The following SV2C variants were observed in gnomAD, a reference collection of about 807,000 sequenced individuals.
SV2C encodes solute carrier family 22 member B3.
A neutral mutation model predicts 79.7 loss-of-function variants in SV2C; 49 were observed. The ratio of observed to expected loss-of-function variants is 0.61; its 90% CI spans 0.49 to 0.78. The LOEUF is 0.78. Ranked by LOEUF, SV2C falls within the 30% of genes least tolerant of loss-of-function variation. The pLI is 0.00. For missense variants in SV2C, 833 were observed against 912.9 expected (o/e 0.91, Z 1.13); for synonymous variants, 334 against 333.2 (o/e 1.00, Z -0.03).
At chr5:76,071,564 C>A in the SV2C span, among the ~76,000 whole-genome samples, 1 of 152,268 alleles carries the variant, frequency 6.6e-6, no homozygotes. Context: ...ACTATTAATA[C>A]CGAATGTTTC....
At chr5:76,337,542 G>A (rs1174372137), downstream of SV2C, among the ~76,000 whole-genome samples, 3 of 152,172 alleles carry the variant, frequency 2.0e-5, no homozygotes, top group African/African-American at 7.2e-5. Context: ...ACTGTATACT[G>A]TGTATAGAAG....
chr5:76,260,460 G>A (rs1306155832), intron 4 of SV2C, among the ~76,000 whole-genome samples: 2 of 152,148 alleles, frequency 1.3e-5, no homozygotes, highest in Non-Finnish European at 2.9e-5. Context: ...GATCCAGTTT[G>A]TCAATTTTGG....
chr5:76,127,461 T>G (rs1448297721), intron 1 of SV2C, among the ~76,000 whole-genome samples: 1 of 152,246 alleles, frequency 6.6e-6, no homozygotes, highest in Non-Finnish European at 1.5e-5. Context: ...CACTTCGCTG[T>G]GAACGTTGTT....
chr5:76,078,081 G>C, the SV2C span, among the ~76,000 whole-genome samples: 1 of 152,220 alleles, frequency 6.6e-6, no homozygotes, highest in Non-Finnish European at 1.5e-5. Flanking sequence ...TCTAAGAGTA[G>C]TGGGTGAAAT....
the SV2C span, among the ~76,000 whole-genome samples, chr5:75,998,825 T>G: frequency 2.0e-5 from 3 of 152,094 alleles, no homozygotes; most frequent in Admixed American, 6.6e-5. Context: ...TTTCCTTCTA[T>G]CTCTCACTCT....
the SV2C span, among the ~76,000 whole-genome samples, chr5:75,856,979 C>T: frequency 4.1e-5 from 5 of 122,670 alleles, no homozygotes; most frequent in East Asian, 4.5e-4. Flanking sequence ...TTTTTTGGGA[C>T]GGAGTCTCGC....
chr5:76,253,761 G>A (rs998335371), intron 4 of SV2C, among the ~76,000 whole-genome samples: 1 of 145,328 alleles, frequency 6.9e-6, no homozygotes, highest in Non-Finnish European at 1.5e-5. Flanking sequence ...TTTTATCTTT[G>A]TGAAATCAAT....
At chr5:75,954,631 A>T in the SV2C span, among the ~76,000 whole-genome samples, 1 of 149,966 alleles carries the variant, frequency 6.7e-6, no homozygotes, top group Non-Finnish European at 1.5e-5. Flanking sequence ...ACATGATTGT[A>T]TATCTAGAAA....
At chr5:75,894,789 T>A in the SV2C span, among the ~76,000 whole-genome samples, 1 of 151,980 alleles carries the variant, frequency 6.6e-6, no homozygotes, top group African/African-American at 2.4e-5. Context: ...AAAAAGGTCC[T>A]GCACATTCCT....
In SV2C at chr5:76,291,217, A is replaced by G; in HGVS notation, c.1138-4A>G. On this transcript the variant is annotated splice_region_variant and splice_polypyrimidine_tract_variant and intron_variant, in intron 6 of 12. Transcript: ENST00000502798. ...TTAGCGCTTTGGTCTGTTTCTCTCT[A>G]CAGGTAAACAAAATAAAAACTCCTA... 3.7e-6 allele frequency: 6 copies of G among 1,606,202 alleles called. No individual in the cohort carries two copies. Among genetic ancestry groups the G allele is most frequent in the Non-Finnish European group, 5.1e-6 (6 of 1,174,844 alleles).
the SV2C span, among the ~76,000 whole-genome samples, chr5:75,992,685 C>T: frequency 6.6e-6 from 1 of 151,858 alleles, no homozygotes; most frequent in Non-Finnish European, 1.5e-5. Flanking sequence ...GTGGTAAATC[C>T]GTGTGACATT....
intron 4 of SV2C, among the ~76,000 whole-genome samples, chr5:76,274,959 GA>G (rs1330499578): frequency 2.0e-5 from 3 of 152,022 alleles, no homozygotes; most frequent in Admixed American, 1.3e-4. Flanking sequence ...TTGGGCCCTT[GA>G]AAAAATGGAT....
rs928495570 is a variant in SV2C, at chr5:76,326,012, G to C, written c.*465G>C. On this transcript the variant is annotated 3_prime_UTR_variant, in exon 13 of 13. Transcript: ENST00000502798. ...TTTTTCTAACAGAGTGATATTTCCT[G>C]TTTACTTAGAAAAGGACACCCAGTA... is the stretch of plus-strand genomic sequence containing the variant. 4.1e-5 allele frequency: 6 copies of C among 147,152 alleles called. No homozygotes were observed. The highest frequency in any genetic ancestry group is 1.5e-4 in the African/African-American group (6 of 39,100). The allele number at this position is 147,152 out of a possible 1,614,324, so 9.1% of individuals were successfully genotyped here.
intron 1 of SV2C, among the ~76,000 whole-genome samples, chr5:76,087,690 T>C (rs761228307): frequency 6.6e-6 from 1 of 152,186 alleles, no homozygotes; most frequent in African/African-American, 2.4e-5. Context: ...GAACCACATA[T>C]GCAGATGCAT....
the SV2C span, among the ~76,000 whole-genome samples, chr5:75,967,718 C>G: frequency 6.6e-6 from 1 of 152,248 alleles, no homozygotes; most frequent in Non-Finnish European, 1.5e-5. Flanking sequence ...GGAGGCCTGC[C>G]TGCCTCTGTA....
intron 4 of SV2C, among the ~76,000 whole-genome samples, chr5:76,214,291 T>C (rs925953124): frequency 6.6e-6 from 1 of 152,194 alleles, no homozygotes; most frequent in Non-Finnish European, 1.5e-5. Flanking sequence ...GAAGAGACTA[T>C]CCTTTCCTTA....
intron 1 of SV2C, among the ~76,000 whole-genome samples, chr5:76,112,791 T>G (rs1476481684): frequency 6.6e-6 from 1 of 152,212 alleles, no homozygotes; most frequent in East Asian, 1.9e-4. Context: ...TTTTGGAAAA[T>G]ACTGTTGTAT....
At chr5:75,936,007 A>G in the SV2C span, among the ~76,000 whole-genome samples, 1 of 152,242 alleles carries the variant, frequency 6.6e-6, no homozygotes, top group African/African-American at 2.4e-5. Flanking sequence ...TTCATGTAGC[A>G]TCAAGTTATG....
At chr5:75,989,722 A>T in the SV2C span, among the ~76,000 whole-genome samples, 1 of 151,930 alleles carries the variant, frequency 6.6e-6, no homozygotes, top group African/African-American at 2.4e-5. Flanking sequence ...GTCTTCCACA[A>T]TGGTGGAACT....
Sources: gnomAD v4.1 joint callset for allele counts (sites outside exome capture counted in the v4.1 genomes callset) on GRCh38, gnomAD v4.1.1 for gene constraint, MANE v1.5 for transcripts, NCBI Gene and HGNC (gene_info 2026-07-23, HGNC 2026-07-21) for gene names.